IL18R1: variants seen among roughly 807,000 people sequenced by gnomAD.
IL18R1 encodes interleukin-18 receptor 1.
A neutral mutation model predicts 48.5 loss-of-function variants in IL18R1; 40 were observed. The observed-to-expected ratio is 0.82, with a 90% CI of 0.64 to 1.07. The LOEUF is 1.07. Ranked by LOEUF, IL18R1 falls within the 50% of genes least tolerant of loss-of-function variation. The pLI is 0.00. For missense variants in IL18R1, 596 were observed against 633.7 expected (o/e 0.94, Z 0.64); for synonymous variants, 232 against 225.9 (o/e 1.03, Z -0.24).
intron 3 of IL18R1, 137 bp from the exon 4 acceptor site, chr2:102,371,816 G>A (rs1339482422): frequency 3.4e-6 from 2 of 589,116 alleles, no homozygotes; most frequent in Non-Finnish European, 6.0e-6. Context: ...AGGCAGAGCA[G>A]GGTTTGCACA....
Position 102,396,514 on chromosome 2 carries a change from T to C in IL18R1, c.1271-17T>C, listed in dbSNP as rs773055913. ...TTCAGTTATCTTAAATTAATAGGGG[T>C]TATCTTGCATTTTCAGCTGTTGTTG... On this transcript the variant is annotated splice_polypyrimidine_tract_variant and intron_variant, in intron 10 of 10. Transcript: ENST00000233957. 3 of 1,442,724 alleles carry C rather than the reference T, an allele frequency of 2.1e-6. No individual in the cohort carries two copies. The highest frequency in any genetic ancestry group is 2.9e-6 in the Non-Finnish European group (3 of 1,043,372). 89.4% of individuals were successfully genotyped at this position (1,442,724 alleles called of 1,614,324 possible). A position where few individuals can be genotyped will look rare whatever the true frequency, so the allele number is the denominator to read the frequency against.
At chr2:102,390,458 C>T (rs1473415670) in intron 9 of IL18R1, among the ~76,000 whole-genome samples, 1 of 152,120 alleles carries the variant, frequency 6.6e-6, no homozygotes, top group Non-Finnish European at 1.5e-5. Context: ...TATGTCATAG[C>T]TTCCTAAATG....
rs754284599 is a variant in IL18R1 at position 102,396,858 on chromosome 2, A to C, written c.1598A>C (p.Glu533Ala). 6.3e-7 allele frequency: 1 copy of C among 1,598,406 alleles called. No individual in the cohort carries two copies. Among genetic ancestry groups the C allele is most frequent in the Non-Finnish European group, 8.5e-7 (1 of 1,175,038 alleles). Residue 533 changes from glutamate to alanine, a missense_variant, in exon 11 of 11, where the codon GAA becomes GCA. Glu to Ala is a moderately radical substitution (Grantham distance 107). Around this residue, in one of 3 missense-constraint regions of IL18R1, gnomAD observed 179 missense variants for 206.1 expected, o/e 0.87. Transcript: ENST00000233957. The stretch of plus-strand genomic sequence containing the variant: ...GTCAAGCCAGGTAGAGACGAACCGG[A>C]AGTCTTGCCTGTTCTTTCCGAGTCT... The part of the protein sequence containing the change: ...KTVKPGRDEP[E>A]VLPVLSES
At chr2:102,381,549 A>G in intron 5 of IL18R1, 71 bp from the exon 6 acceptor site, 3 of 1,073,616 alleles carry the variant, frequency 2.8e-6, no homozygotes, top group Non-Finnish European at 4.3e-6. Context: ...TGAGCATATT[A>G]TCATAGATGC....
chr2:102,384,848 A>T lies in IL18R1; in HGVS notation c.689-30A>T, dbSNP rs200874450. ...CTTTTAAGAAACCTGAGTTTCAAAA[A>T]TCAGAACTTTAGTTGCCAACTTTTA... is the stretch of plus-strand genomic sequence containing the variant. On this transcript the variant is annotated intron_variant, in intron 6 of 10. Coordinates refer to ENST00000233957, the MANE Select transcript of IL18R1 (RefSeq NM_003855.5). The T allele has an allele frequency of 8.0e-4, 1,285 of 1,604,262 alleles. 16 individuals carry two copies. In the South Asian group the frequency reaches 0.013, roughly 17 times the overall value.
rs1678250257 is a variant in IL18R1, at chr2:102,356,363, G to GCCGCCC, written c.-58_-53dup. On this transcript the variant is annotated 5_prime_UTR_variant, in exon 1 of 11. Transcript: ENST00000233957. ...CGCGACCTGGCGTGAAGGAGGAGCT[G>GCCGCCC]CCGCCCCCGCCCCAGCCTCGGGGAC... 4.1e-6 allele frequency: 4 copies of GCCGCCC among 985,114 alleles called. No homozygotes were observed. The highest frequency in any genetic ancestry group is 3.6e-6 in the Non-Finnish European group (3 of 829,760). The allele number at this position is 985,114 out of a possible 1,614,324, so 61.0% of individuals were successfully genotyped here. A position where few individuals can be genotyped will look rare whatever the true frequency, so the allele number is the denominator to read the frequency against.
At chr2:102,370,803 C>T (rs1346006548) in intron 3 of IL18R1, among the ~76,000 whole-genome samples, 1 of 152,194 alleles carries the variant, frequency 6.6e-6, no homozygotes, top group African/African-American at 2.4e-5. Flanking sequence ...ACCTGGAACT[C>T]AGTAAGTGTT....
chr2:102,365,635 C>T (rs560166948), intron 2 of IL18R1, among the ~76,000 whole-genome samples: 2 of 152,250 alleles, frequency 1.3e-5, no homozygotes, highest in East Asian at 1.9e-4. Flanking sequence ...GTATGGGAGC[C>T]CCAACACCAC....
At chr2:102,358,649 C>T (rs1413530189) in intron 1 of IL18R1, among the ~76,000 whole-genome samples, 1 of 152,160 alleles carries the variant, frequency 6.6e-6, no homozygotes, top group African/African-American at 2.4e-5. Flanking sequence ...GTTAGAGTCA[C>T]CTGCGGAGTT....
intron 2 of IL18R1, among the ~76,000 whole-genome samples, chr2:102,366,612 C>G (rs1312050386): frequency 6.6e-6 from 1 of 152,138 alleles, no homozygotes; most frequent in Non-Finnish European, 1.5e-5. Context: ...TTTATTAGTC[C>G]ATTCTCACAC....
rs142283109 is a variant in IL18R1 at position 102,391,327 on chromosome 2, C to A, written c.1111+1110C>A. On this transcript the variant is annotated intron_variant, in intron 9 of 10. Transcript: ENST00000233957. ...AATACAGATTCTTATTACACACCTCCTTTTAAAAAGAACAAATCCTGGCTT... is the reference window on the plus strand; with the variant it reads ...AATACAGATTCTTATTACACACCTCATTTTAAAAAGAACAAATCCTGGCTT... 1.9e-4 allele frequency among the ~76,000 whole-genome samples: 29 copies of A among 152,268 alleles called. 1 individual carries two copies. In the East Asian group the frequency reaches 5.4e-3, roughly 28 times the overall value.
At chr2:102,376,685 T>C (rs76326130) in intron 5 of IL18R1, among the ~76,000 whole-genome samples, 2,409 of 152,080 alleles carry the variant, frequency 0.016, 29 homozygotes, top group Middle Eastern at 0.031. Context: ...GATGTGCTGG[T>C]GGGAGGGGAG....
Position 102,396,919 on chromosome 2 carries a change from A to C in IL18R1, c.*33A>C. The C allele has an allele frequency of 7.4e-7, 1 of 1,352,296 alleles. No individual in the cohort carries two copies. The highest frequency in any genetic ancestry group is 1.0e-6 in the Non-Finnish European group (1 of 977,280). The allele number at this position is 1,352,296 out of a possible 1,614,324, so 83.8% of individuals were successfully genotyped here. ...AAACAGTGAACGCCAAAAAGAACTC[A>C]AGATATTCTGGGGACTGAGCATATG... On this transcript the variant is annotated 3_prime_UTR_variant, in exon 11 of 11. Coordinates refer to ENST00000233957, the MANE Select transcript of IL18R1 (RefSeq NM_003855.5).
intron 5 of IL18R1, among the ~76,000 whole-genome samples, chr2:102,376,637 G>A (rs542703528): frequency 6.6e-6 from 1 of 152,132 alleles, no homozygotes; most frequent in African/African-American, 2.4e-5. Flanking sequence ...TGACCTGCTG[G>A]GGGAAGGGAT....
intron 10 of IL18R1, among the ~76,000 whole-genome samples, chr2:102,395,972 A>G (rs1400435919): frequency 6.6e-6 from 1 of 152,228 alleles, no homozygotes; most frequent in African/African-American, 2.4e-5. Flanking sequence ...TAACATATTT[A>G]CTATCTGGCC....
At chr2:102,394,674 T>TA (rs768185393) in intron 10 of IL18R1, 47 bp downstream of exon 10, 2 of 1,517,626 alleles carry the variant, frequency 1.3e-6, no homozygotes, top group Admixed American at 1.9e-5. Flanking sequence ...AGTTTCTTTT[T>TA]AAAAAATGAA....
intron 6 of IL18R1, among the ~76,000 whole-genome samples, chr2:102,383,595 T>C (rs778595837): frequency 2.0e-4 from 30 of 152,186 alleles, no homozygotes; most frequent in Non-Finnish European, 4.1e-4. Flanking sequence ...TCACACAAGT[T>C]TTCTTTTGCT....
At chr2:102,372,478 A>G (rs1173330470) in intron 4 of IL18R1, among the ~76,000 whole-genome samples, 1 of 152,170 alleles carries the variant, frequency 6.6e-6, no homozygotes, top group Admixed American at 6.5e-5. Flanking sequence ...ACTCAATTGT[A>G]TATGTTTTTC....
In IL18R1 at chr2:102,384,577, G is replaced by A. The variant is rs939429699; in HGVS notation, c.689-301G>A. Among the ~76,000 whole-genome samples, 13 of 152,246 alleles carry A rather than the reference G, an allele frequency of 8.5e-5. No homozygotes were observed. The Middle Eastern group carries it at 0.01, about 120-fold the overall frequency. ...CCATTTGGTTTATCTAGAAGTCTCA[G>A]TGAGAGTATTGTCCTGATGCTACGA... On this transcript the variant is annotated intron_variant, in intron 6 of 10. Transcript: ENST00000233957.
Sources: gnomAD v4.1 joint callset for allele counts (sites outside exome capture counted in the v4.1 genomes callset) on GRCh38, gnomAD v4.1.1 for gene constraint, gnomAD v4.1.1 regional missense constraint, MANE v1.5 for transcripts, NCBI Gene and HGNC (gene_info 2026-07-23, HGNC 2026-07-21) for gene names.